The following PMPCB variants were observed in gnomAD, a reference collection of about 807,000 sequenced individuals.
PMPCB encodes the protein peptidase, mitochondrial processing subunit beta.
A neutral mutation model predicts 61.5 loss-of-function variants in PMPCB; 46 were observed. The ratio of observed to expected loss-of-function variants is 0.75; its 90% confidence interval spans 0.59 to 0.96. PMPCB has a LOEUF of 0.96. Ranked by LOEUF, PMPCB falls within the 40% of genes least tolerant of loss-of-function variation. The pLI is 0.00. For synonymous variants in PMPCB, 191 were observed against 201.6 expected, an observed-to-expected ratio of 0.95 and a Z score of 0.44; for missense variants, 590 against 602.4, an observed-to-expected ratio of 0.98 and a Z score of 0.22.
chr7:103,306,003 G>A (rs1413293206), intron 6 of PMPCB, among the ~76,000 whole-genome samples: 1 of 152,184 alleles, frequency 6.6e-6, no homozygotes, highest in Non-Finnish European at 1.5e-5. Flanking sequence ...GATATCTTTA[G>A]TTTAATGGCT....
intron 12 of PMPCB, chr7:103,322,773 A>C (rs1818490986): frequency 1.2e-6 from 2 of 1,606,402 alleles, no homozygotes; most frequent in Non-Finnish European, 1.7e-6. Flanking sequence ...TCTGCTTTTC[A>C]ATCCATCTCC....
At position 103,303,820 on chromosome 7, in the gene PMPCB, CTTATA is replaced by C. The variant is rs767804404; in HGVS notation, c.458-19_458-15del. On this transcript the variant is annotated splice_polypyrimidine_tract_variant and intron_variant, in intron 4 of 12. Transcript: ENST00000249269. ...AAAGTTAAGATTGCTGGCACGTTTT[CTTATA>C]TTTTATTTTCAATTAGCTGTAGAAA... 1.3e-6 allele frequency: 2 copies of C among 1,546,070 alleles called. No individual in the cohort carries two copies. The highest frequency in any genetic ancestry group is 1.4e-5 in the African/African-American group (1 of 71,898).
chr7:103,329,066 G>A, exon 13 of PMPCB: 1 of 1,086,614 alleles, frequency 9.2e-7, no homozygotes, highest in Non-Finnish European at 1.2e-6. Context: ...TTTAAAATTT[G>A]TGATTATCGC....
downstream of PMPCB, among the ~76,000 whole-genome samples, chr7:103,315,350 T>C (rs1369053202): frequency 6.6e-6 from 1 of 152,196 alleles, no homozygotes. Context: ...AGACATACTT[T>C]GAACCATAAG....
At chr7:103,303,166 G>C (rs1454281114) in intron 4 of PMPCB, among the ~76,000 whole-genome samples, 1 of 152,226 alleles carries the variant, frequency 6.6e-6, no homozygotes, top group Admixed American at 6.5e-5. Flanking sequence ...GCCCAGGCGA[G>C]AGTGCAGTGG....
At chr7:103,310,250 ATT>A in intron 8 of PMPCB, 63 bp from the exon 9 acceptor site, 1 of 1,261,494 alleles carries the variant, frequency 7.9e-7, no homozygotes, top group Non-Finnish European at 1.1e-6. Context: ...CACACACTCC[ATT>A]TTTCTTTCTG....
chr7:103,312,809 C>T lies in PMPCB; in HGVS notation c.*538C>T. 2 of 1,513,490 alleles carry T rather than the reference C, an allele frequency of 1.3e-6. No individual in the cohort carries two copies. Among genetic ancestry groups the T allele is most frequent in the Admixed American group, 4.7e-5 (2 of 42,806 alleles). The allele number at this position is 1,513,490 out of a possible 1,614,324, so 93.8% of individuals were successfully genotyped here. A position where few individuals can be genotyped will look rare whatever the true frequency, so the allele number is the denominator to read the frequency against. Reference sequence around the variant, plus strand: ...AGTTTCTAAGGTTGCTCATTTCTTCCTCATAATATTGACCCCATAACTACT... The same window carrying T: ...AGTTTCTAAGGTTGCTCATTTCTTCTTCATAATATTGACCCCATAACTACT... On this transcript the variant is annotated 3_prime_UTR_variant, in exon 13 of 13. Transcript: ENST00000249269.
At chr7:103,318,602 A>G (rs1462242834), downstream of PMPCB, among the ~76,000 whole-genome samples, 1 of 152,196 alleles carries the variant, frequency 6.6e-6, no homozygotes, top group African/African-American at 2.4e-5. Context: ...GTGGTGCAAC[A>G]GCATTAGGCA....
intron 12 of PMPCB, chr7:103,327,850 A>G: frequency 2.9e-6 from 2 of 684,558 alleles, no homozygotes; most frequent in Non-Finnish European, 2.5e-6. Context: ...TAAGGCTAAT[A>G]TTAGAATCTT....
Position 103,312,659 on chromosome 7 carries a change from G to A in PMPCB, c.*388G>A. On this transcript the variant is annotated 3_prime_UTR_variant, in exon 13 of 13. Coordinates refer to ENST00000249269, the MANE Select transcript of PMPCB (RefSeq NM_004279.3). The stretch of plus-strand genomic sequence containing the variant: ...CGACAAGTTCCTAGGAAGGGAGAAA[G>A]GTGTGATTTAAGAAGTTGCGATTTA... 6.2e-7 allele frequency: 1 copy of A among 1,608,602 alleles called. No homozygotes were observed. The highest frequency in any genetic ancestry group is 8.5e-7 in the Non-Finnish European group (1 of 1,178,636).
chr7:103,344,678 G>A, the PMPCB span: 1 of 1,571,590 alleles, frequency 6.4e-7, no homozygotes, highest in South Asian at 1.1e-5. Flanking sequence ...GGCGGAGGGC[G>A]CTTAGGGTCC....
At chr7:103,300,933 C>T (rs1453110282) in intron 4 of PMPCB, among the ~76,000 whole-genome samples, 1 of 152,220 alleles carries the variant, frequency 6.6e-6, no homozygotes, top group African/African-American at 2.4e-5. Context: ...ACCCACCTGC[C>T]TCGGCCTCCC....
At chr7:103,342,504 C>T in the PMPCB span, among the ~76,000 whole-genome samples, 2,103 of 151,936 alleles carry the variant, frequency 0.014, 28 homozygotes, top group South Asian at 0.024. Context: ...GGGGTTTCTC[C>T]ATGTTGGTCA....
At chr7:103,347,453 G>T in the PMPCB span, 1 of 354,656 alleles carries the variant, frequency 2.8e-6, no homozygotes, top group South Asian at 4.3e-5. Context: ...TATATTTGTA[G>T]ATGTGGCCAC....
chr7:103,300,451 T>C (rs1817419436), intron 4 of PMPCB, 144 bp downstream of exon 4: 1 of 522,846 alleles, frequency 1.9e-6, no homozygotes, highest in East Asian at 3.3e-5. Flanking sequence ...AGGGTACAGC[T>C]GATCTTATTT....
At chr7:103,344,528 G>C in the PMPCB span, 14 of 1,612,950 alleles carry the variant, frequency 8.7e-6, no homozygotes, top group Admixed American at 1.5e-4. Flanking sequence ...CAGCTGAGGT[G>C]AGAAGGAACC....
At position 103,302,393 on chromosome 7, in the gene PMPCB, T is replaced by C. The variant is rs375095572; in HGVS notation, c.458-1449T>C. ...TTAAATACACATTTAAAAAAAAGATTCAGATTAAAACAGACTGGGAAATAG... is the reference window on the plus strand; with the variant it reads ...TTAAATACACATTTAAAAAAAAGATCCAGATTAAAACAGACTGGGAAATAG... On this transcript the variant is annotated intron_variant, in intron 4 of 12. Coordinates refer to ENST00000249269, the MANE Select transcript of PMPCB (RefSeq NM_004279.3). Among the ~76,000 whole-genome samples the C allele has an allele frequency of 3.3e-5, 5 of 152,180 alleles. No homozygotes were observed. The East Asian group carries it at 9.6e-4, about 29-fold the overall frequency.
At chr7:103,341,211 C>G in the PMPCB span, among the ~76,000 whole-genome samples, 6 of 152,192 alleles carry the variant, frequency 3.9e-5, no homozygotes, top group African/African-American at 1.4e-4. Context: ...CCCTTGCCCC[C>G]TTTCAAGCAA....
At chr7:103,311,954 T>C (rs1817770348) in intron 11 of PMPCB, 58 bp downstream of exon 11, 1 of 1,519,240 alleles carries the variant, frequency 6.6e-7, no homozygotes, top group African/African-American at 1.4e-5. Context: ...TTACAAAAGC[T>C]GAGAATATGT....
Sources: allele counts gnomAD v4.1 joint callset (sites outside exome capture counted in the v4.1 genomes callset), GRCh38; gene constraint gnomAD v4.1.1; transcripts MANE v1.5; gene names NCBI Gene and HGNC (gene_info 2026-07-23, HGNC 2026-07-21).